The following ARHGAP42 variants were observed in gnomAD, a reference collection of about 807,000 sequenced individuals.
ARHGAP42 encodes rho GTPase-activating protein 42.
In ARHGAP42, 63 loss-of-function variants were observed where a neutral mutation model predicts 125.0. The ratio of observed to expected loss-of-function variants is 0.50; its 90% confidence interval spans 0.41 to 0.62. The LOEUF (loss-of-function observed/expected upper bound fraction) is 0.62. Among genes scored for constraint, ARHGAP42 ranks in the 20% least tolerant of loss-of-function variants. The pLI, the probability that ARHGAP42 is intolerant of heterozygous loss-of-function variation, is 0.00. For synonymous variants in ARHGAP42, 339 were observed against 351.0 expected, an observed-to-expected ratio of 0.97 and a Z score of 0.38; for missense variants, 766 against 1,024.2, an observed-to-expected ratio of 0.75 and a Z score of 3.44.
intron 4 of ARHGAP42, among the ~76,000 whole-genome samples, chr11:100,900,121 G>A (rs1256744496): frequency 6.6e-6 from 1 of 152,048 alleles, no homozygotes; most frequent in Non-Finnish European, 1.5e-5. Context: ...AAATCTCTTG[G>A]CATTTGCTTG....
intron 17 of ARHGAP42, 53 bp downstream of exon 17, chr11:100,965,829 G>A (rs1858076550): frequency 2.8e-6 from 4 of 1,427,934 alleles, no homozygotes; most frequent in Non-Finnish European, 2.9e-6. Context: ...TGTTAAGTTT[G>A]TTCATGTCTT....
intron 1 of ARHGAP42, among the ~76,000 whole-genome samples, chr11:100,741,042 T>C (rs1444127333): frequency 6.6e-6 from 1 of 152,134 alleles, no homozygotes; most frequent in Non-Finnish European, 1.5e-5. Context: ...TATTTATTTC[T>C]TTTTTTGAGA....
chr11:100,915,836 G>A (rs1401565184), intron 5 of ARHGAP42, among the ~76,000 whole-genome samples: 1 of 152,106 alleles, frequency 6.6e-6, no homozygotes, highest in African/African-American at 2.4e-5. Context: ...TGTAGACAAG[G>A]CAAAATGTAG....
chr11:100,929,861 T>C (rs545935129), intron 6 of ARHGAP42, among the ~76,000 whole-genome samples: 1 of 152,342 alleles, frequency 6.6e-6, no homozygotes, highest in African/African-American at 2.4e-5. Context: ...GAGTTTTCTT[T>C]CAATTTTCAT....
At chr11:100,690,059 T>C (rs1017696524) in intron 1 of ARHGAP42, among the ~76,000 whole-genome samples, 1 of 152,154 alleles carries the variant, frequency 6.6e-6, no homozygotes, top group African/African-American at 2.4e-5. Context: ...CTGGCAGTGC[T>C]TGTACCATGG....
chr11:100,987,671 G>C, intron 23 of ARHGAP42, 79 bp downstream of exon 23: 2 of 1,331,084 alleles, frequency 1.5e-6, no homozygotes, highest in Non-Finnish European at 2.1e-6. Flanking sequence ...TGAGTCTAAA[G>C]TAGAAGCCAG....
rs542852918 is a variant in ARHGAP42 at position 100,856,232 on chromosome 11, T to C, written c.313-3322T>C. Among the ~76,000 whole-genome samples the C allele has an allele frequency of 1.3e-3, 203 of 152,186 alleles. 1 individual carries two copies. The highest frequency in any genetic ancestry group is 2.5e-4 in the Non-Finnish European group (17 of 67,944). ...AACTTTGCAAGGTTTGTCACCATCG[T>C]TGTACTCTAATTCACATTTTAAATA... On this transcript the variant is annotated intron_variant, in intron 3 of 23. Coordinates refer to ENST00000298815, the MANE Select transcript of ARHGAP42 (RefSeq NM_152432.4).
At chr11:100,868,754 C>CT (rs1162992227) in intron 4 of ARHGAP42, among the ~76,000 whole-genome samples, 1 of 152,086 alleles carries the variant, frequency 6.6e-6, no homozygotes, top group Non-Finnish European at 1.5e-5. Context: ...CTGGCACTTA[C>CT]TGCAAGTATA....
At chr11:100,798,631 T>C (rs1863778938) in intron 3 of ARHGAP42, among the ~76,000 whole-genome samples, 1 of 152,228 alleles carries the variant, frequency 6.6e-6, no homozygotes, top group African/African-American at 2.4e-5. Context: ...GCATCAAAAA[T>C]TCATGTGACT....
At chr11:100,750,395 C>A (rs530436167) in intron 1 of ARHGAP42, among the ~76,000 whole-genome samples, 2 of 141,848 alleles carry the variant, frequency 1.4e-5, no homozygotes, top group African/African-American at 5.3e-5. Flanking sequence ...AAGAGAGTGA[C>A]GGGGTGAGTG....
Position 100,795,167 on chromosome 11 carries a change from G to C in ARHGAP42, c.312+1G>C. ...AGTAGAAGAAGAAAGGCGAAGACTG[G>C]TAAGTCTGTTCTGTATTTCTTAAGA... On this transcript the variant is annotated splice_donor_variant, in intron 3 of 23. Coordinates refer to ENST00000298815, the MANE Select transcript of ARHGAP42 (RefSeq NM_152432.4). LOFTEE classifies it high-confidence loss of function. The C allele has an allele frequency of 6.5e-7, 1 of 1,534,796 alleles. No individual in the cohort carries two copies. Among genetic ancestry groups the C allele is most frequent in the Non-Finnish European group, 8.8e-7 (1 of 1,137,542 alleles).
At chr11:100,874,864 C>G (rs1196000468) in intron 4 of ARHGAP42, among the ~76,000 whole-genome samples, 2 of 152,104 alleles carry the variant, frequency 1.3e-5, no homozygotes, top group African/African-American at 4.8e-5. Flanking sequence ...GAAAGTGAAT[C>G]CAGTGTCTTC....
At chr11:100,913,586 C>G in intron 5 of ARHGAP42, 33 bp downstream of exon 5, 1 of 1,152,790 alleles carries the variant, frequency 8.7e-7, no homozygotes, top group Non-Finnish European at 1.1e-6. Flanking sequence ...ATGGAAAAGG[C>G]ATTAAGTCAT....
intron 3 of ARHGAP42, among the ~76,000 whole-genome samples, chr11:100,836,253 T>C (rs529018187): frequency 1.3e-5 from 2 of 152,270 alleles, no homozygotes; most frequent in Non-Finnish European, 2.9e-5. Flanking sequence ...GATCAGTTCT[T>C]AGTCTTCTAT....
chr11:100,854,278 G>T (rs1346562645), intron 3 of ARHGAP42, among the ~76,000 whole-genome samples: 1 of 152,124 alleles, frequency 6.6e-6, no homozygotes, highest in African/African-American at 2.4e-5. Flanking sequence ...CATAGGAAAA[G>T]TATTATTGCT....
intron 3 of ARHGAP42, among the ~76,000 whole-genome samples, chr11:100,847,582 A>G (rs772168242): frequency 2.6e-5 from 4 of 152,156 alleles, no homozygotes; most frequent in African/African-American, 7.2e-5. Context: ...AACGTTAAAT[A>G]TAGGTGGGTC....
chr11:100,769,920 C>T (rs961040251), intron 1 of ARHGAP42, among the ~76,000 whole-genome samples: 5 of 151,874 alleles, frequency 3.3e-5, no homozygotes, highest in African/African-American at 7.3e-5. Context: ...GTGCAGCAAA[C>T]CACTATAACA....
chr11:100,733,189 ACAAG>A (rs1861990491), intron 1 of ARHGAP42, among the ~76,000 whole-genome samples: 1 of 152,220 alleles, frequency 6.6e-6, no homozygotes, highest in African/African-American at 2.4e-5. Flanking sequence ...TTGACTCATG[ACAAG>A]TTAATCAATA....
chr11:100,809,885 G>A (rs1018892638), intron 3 of ARHGAP42, among the ~76,000 whole-genome samples: 1 of 152,028 alleles, frequency 6.6e-6, no homozygotes, highest in East Asian at 1.9e-4. Flanking sequence ...AAGTTGCAGT[G>A]AGCCAAAATT....
Sources: gnomAD v4.1 joint callset for allele counts (sites outside exome capture counted in the v4.1 genomes callset) on GRCh38, gnomAD v4.1.1 for gene constraint, MANE v1.5 for transcripts, NCBI Gene and HGNC (gene_info 2026-07-23, HGNC 2026-07-21) for gene names.